KMT2C: variants seen among roughly 807,000 people sequenced by gnomAD.
KMT2C encodes the protein histone-lysine N-methyltransferase 2C.
Under a neutral mutation model 507.9 loss-of-function variants are expected in KMT2C, and 88 were observed. The ratio of observed to expected loss-of-function variants is 0.17; its 90% confidence interval spans 0.15 to 0.21. The LOEUF is 0.21. KMT2C is among the 10% of genes least tolerant of loss of function. KMT2C has a pLI of 1.00. For missense variants in KMT2C, 4,954 were observed against 5,957.8 expected, an observed-to-expected ratio of 0.83 and a Z score of 5.55; for synonymous variants, 2,049 against 2,080.8, an observed-to-expected ratio of 0.98 and a Z score of 0.42.
chr7:152,352,162 G>C (rs1163025422), intron 2 of KMT2C, among the ~76,000 whole-genome samples: 1 of 152,218 alleles, frequency 6.6e-6, no homozygotes, highest in African/African-American at 2.4e-5. Context: ...GGGTGCGGCT[G>C]TCTTTTATGG....
chr7:152,276,220 T>C (rs1588823608), intron 6 of KMT2C, among the ~76,000 whole-genome samples: 1 of 152,284 alleles, frequency 6.6e-6, no homozygotes, highest in Non-Finnish European at 1.5e-5. Flanking sequence ...TAAAAGAAAA[T>C]GTTTACTATA....
chr7:152,164,589 T>C (rs1358892347), intron 42 of KMT2C, among the ~76,000 whole-genome samples: 5 of 152,032 alleles, frequency 3.3e-5, no homozygotes, highest in Non-Finnish European at 1.5e-5. Context: ...GCGCCCGGCC[T>C]GTACAACATT....
At chr7:152,414,423 G>A (rs2097713429) in intron 1 of KMT2C, among the ~76,000 whole-genome samples, 1 of 152,014 alleles carries the variant, frequency 6.6e-6, no homozygotes, top group African/African-American at 2.4e-5. Flanking sequence ...AGCTACTCAG[G>A]AGGCTGAGGC....
At chr7:152,363,790 A>G (rs2097215074) in intron 1 of KMT2C, among the ~76,000 whole-genome samples, 2 of 152,192 alleles carry the variant, frequency 1.3e-5, no homozygotes. Flanking sequence ...GCAGAGGGAT[A>G]CCCTTGAGTT....
At chr7:152,246,021 T>C (rs2095467281) in intron 14 of KMT2C, among the ~76,000 whole-genome samples, 2 of 152,272 alleles carry the variant, frequency 1.3e-5, no homozygotes, top group South Asian at 4.1e-4. Context: ...AAATGCCTAA[T>C]ACCAAAGAAA....
intron 6 of KMT2C, among the ~76,000 whole-genome samples, chr7:152,303,473 C>T (rs778286638): frequency 2.0e-5 from 3 of 152,202 alleles, no homozygotes; most frequent in Non-Finnish European, 2.9e-5. Flanking sequence ...ATTGACAAAT[C>T]CCATTAATGC....
rs138871839 is a variant in KMT2C at position 152,176,315 on chromosome 7, A to T, written c.9138T>A (p.Leu3046=). 1,868 of 1,614,152 alleles carry T rather than the reference A, an allele frequency of 1.2e-3. 2 individuals carry two copies. Among genetic ancestry groups the T allele is most frequent in the Non-Finnish European group, 1.5e-3 (1,746 of 1,180,026 alleles). Residue 3046 remains leucine, a synonymous_variant, in exon 38 of 59, where the codon CTT becomes CTA. Transcript: ENST00000262189. ...GAAGTAGAGGCTGTTCTTCTAGAAG[A>T]AGGGGCCTCTCTCTATTCTGCTGTG... ...TLAQQNRERP[L]LLEEQPLLLQ...
chr7:152,145,006 C>A, intron 54 of KMT2C, 125 bp from the exon 55 acceptor site: 1 of 1,366,540 alleles, frequency 7.3e-7, no homozygotes, highest in Non-Finnish European at 1.0e-6. Flanking sequence ...AGCTGCCTAG[C>A]AGAGACACAC....
At chr7:152,270,107 C>A (rs1220448440) in intron 7 of KMT2C, among the ~76,000 whole-genome samples, 4 of 152,164 alleles carry the variant, frequency 2.6e-5, no homozygotes, top group Non-Finnish European at 2.9e-5. Context: ...CTATCATCTG[C>A]CAATTTTCAT....
intron 23 of KMT2C, among the ~76,000 whole-genome samples, chr7:152,219,874 G>T (rs983717948): frequency 9.9e-5 from 15 of 152,026 alleles, no homozygotes; most frequent in African/African-American, 3.1e-4. Context: ...GTGGTGGCCC[G>T]CATCCATGGT....
chr7:152,367,021 C>T (rs1319247963), intron 1 of KMT2C: 1 of 596,760 alleles, frequency 1.7e-6, no homozygotes, highest in Non-Finnish European at 3.0e-6. Context: ...TGAGCCTGGG[C>T]TCTTGCTCTT....
chr7:152,362,343 G>A (rs2097203948), intron 1 of KMT2C, among the ~76,000 whole-genome samples: 1 of 151,998 alleles, frequency 6.6e-6, no homozygotes, highest in Admixed American at 6.6e-5. Flanking sequence ...ACGGTGGCTG[G>A]GGCAGAGTCA....
intron 1 of KMT2C, among the ~76,000 whole-genome samples, chr7:152,383,476 A>C (rs2097392520): frequency 6.6e-6 from 1 of 152,220 alleles, no homozygotes; most frequent in Non-Finnish European, 1.5e-5. Flanking sequence ...CCTAGGAAAA[A>C]CTGATGATAG....
chr7:152,254,419 T>G (rs1588622316), intron 9 of KMT2C, among the ~76,000 whole-genome samples: 1 of 152,032 alleles, frequency 6.6e-6, no homozygotes, highest in East Asian at 1.9e-4. Context: ...TCAAAGATAT[T>G]TAATATTAGA....
rs1056698912 is a variant in KMT2C, at chr7:152,424,377, G to A, written c.161+11249C>T. ...CAGCATTTTACTTATTTATGATTTC[G>A]TAACCTGGACTGAGCTTAGCTAGGT... On this transcript the variant is annotated intron_variant, in intron 1 of 58. Coordinates refer to ENST00000262189, the MANE Select transcript of KMT2C (RefSeq NM_170606.3). Among the ~76,000 whole-genome samples the A allele has an allele frequency of 9.2e-5, 14 of 152,108 alleles. No homozygotes were observed. The South Asian group carries it at 1.4e-3, about 16-fold the overall frequency.
rs2091618601 is a variant in KMT2C, at chr7:152,151,514, A to C, written c.12594T>G (p.Cys4198Trp). ...CAAGAATAACCACTTTACAATGACA[A>C]CACCACTGTGGTCTGAGTGCTGCGC... Reference protein sequence around the residue: ...AESAALRPQWCCHCKVVILGS... With the variant: ...AESAALRPQWWCHCKVVILGS... Residue 4198 changes from cysteine (C) to tryptophan (W), a missense_variant, in exon 50 of 59, where the codon TGT becomes TGG. Physicochemically the swap from Cys to Trp is radical, Grantham distance 215 (BLOSUM62 -2). Transcript: ENST00000262189. The C allele has an allele frequency of 6.2e-7, 1 of 1,613,964 alleles. No homozygotes were observed.
chr7:152,290,279 TA>T (rs2096397650), intron 6 of KMT2C, among the ~76,000 whole-genome samples: 5 of 35,612 alleles, frequency 1.4e-4, no homozygotes, highest in African/African-American at 6.8e-4. Flanking sequence ...TATATATATA[TA>T]TATATATATA....
intron 2 of KMT2C, among the ~76,000 whole-genome samples, chr7:152,358,353 T>C (rs1466873348): frequency 6.6e-6 from 1 of 152,226 alleles, no homozygotes; most frequent in African/African-American, 2.4e-5. Flanking sequence ...ATAAAACATT[T>C]ATCTTCAGAT....
At position 152,351,393 on chromosome 7, in the gene KMT2C, G is replaced by A. The variant is rs145523672; in HGVS notation, c.250+7194C>T. Among the ~76,000 whole-genome samples the A allele has an allele frequency of 8.5e-4, 129 of 152,230 alleles. 1 individual carries two copies. In the East Asian group the frequency reaches 0.02, roughly 24 times the overall value. ...ATGTTGCGCTGTGCTATGACATCACGACAGCTATGACATCATGACAGCTAT... is the reference window on the plus strand; with the variant it reads ...ATGTTGCGCTGTGCTATGACATCACAACAGCTATGACATCATGACAGCTAT... On this transcript the variant is annotated intron_variant, in intron 2 of 58. Transcript: ENST00000262189.
Sources: allele counts gnomAD v4.1 joint callset (sites outside exome capture counted in the v4.1 genomes callset), GRCh38; gene constraint gnomAD v4.1.1; transcripts MANE v1.5; gene names NCBI Gene and HGNC (gene_info 2026-07-23, HGNC 2026-07-21).